The following TP63 variants were observed in gnomAD, a reference collection of about 807,000 sequenced individuals.
TP63 encodes tumor protein p63.
In TP63, 17 loss-of-function variants were observed where a neutral mutation model predicts 82.8. That is an observed-to-expected ratio of 0.21 (90% CI 0.14 to 0.31). The LOEUF (loss-of-function observed/expected upper bound fraction) is 0.31. Ranked by LOEUF, TP63 falls within the 10% of genes least tolerant of loss-of-function variation. The probability of loss-of-function intolerance (pLI) is 1.00; values close to 1 mark genes in which losing one functional copy is unlikely to be tolerated. For missense variants in TP63, 648 were observed against 895.3 expected, an observed-to-expected ratio of 0.72 and a Z score of 3.52; for synonymous variants, 330 against 321.7, an observed-to-expected ratio of 1.03 and a Z score of -0.28.
chr3:189,685,646 G>A (rs1296812877), intron 1 of TP63, among the ~76,000 whole-genome samples: 1 of 152,190 alleles, frequency 6.6e-6, no homozygotes, highest in Non-Finnish European at 1.5e-5. Flanking sequence ...TGGAAGAAAG[G>A]AGGAAGAATA....
At chr3:189,852,108 A>C (rs1316473945) in intron 4 of TP63, among the ~76,000 whole-genome samples, 3 of 152,214 alleles carry the variant, frequency 2.0e-5, no homozygotes, top group Admixed American at 2.0e-4. Flanking sequence ...GGGAATAAAA[A>C]GAGGAGGCAG....
chr3:189,709,925 T>C (rs372068231), intron 1 of TP63, among the ~76,000 whole-genome samples: 2 of 152,192 alleles, frequency 1.3e-5, no homozygotes, highest in East Asian at 3.9e-4. Flanking sequence ...TTATACTTTT[T>C]AGGAATATTT....
intron 11 of TP63, among the ~76,000 whole-genome samples, chr3:189,888,009 A>G (rs895709874): frequency 2.0e-5 from 3 of 151,984 alleles, no homozygotes; most frequent in Admixed American, 6.5e-5. Context: ...GGCGTGCACC[A>G]CCACGCCCGG....
intron 1 of TP63, among the ~76,000 whole-genome samples, chr3:189,729,436 GAA>G (rs1363842083): frequency 6.6e-6 from 1 of 152,132 alleles, no homozygotes; most frequent in African/African-American, 2.4e-5. Context: ...AGTCAGGAGA[GAA>G]AAGATTTCTG....
intron 1 of TP63, among the ~76,000 whole-genome samples, chr3:189,680,683 C>A (rs6801312): frequency 0.31 from 47,798 of 152,066 alleles, 7,938 homozygotes; most frequent in African/African-American, 0.41. Context: ...CAAGGACAGG[C>A]CTGTATCTTG....
chr3:189,820,534 C>T (rs1279562661), intron 4 of TP63, among the ~76,000 whole-genome samples: 1 of 152,004 alleles, frequency 6.6e-6, no homozygotes, highest in African/African-American at 2.4e-5. Context: ...ATCTTAGACA[C>T]TTTGAGTTTA....
chr3:189,815,185 A>C (rs889255859), intron 4 of TP63, among the ~76,000 whole-genome samples: 12 of 149,396 alleles, frequency 8.0e-5, no homozygotes, highest in Non-Finnish European at 1.2e-4. Context: ...ATCTTTCTTT[A>C]TTTTTTTTTA....
chr3:189,753,573 A>G (rs1721979341), intron 3 of TP63, among the ~76,000 whole-genome samples: 1 of 151,890 alleles, frequency 6.6e-6, no homozygotes. Flanking sequence ...ATTTGAAATG[A>G]GTTTCTTCTA....
intron 4 of TP63, chr3:189,829,988 T>A (rs746272741): frequency 1.4e-5 from 4 of 294,570 alleles, no homozygotes; most frequent in Non-Finnish European, 2.9e-5. Flanking sequence ...TTATTGTACA[T>A]CGGATGAGCT....
chr3:189,613,168 C>T, the TP63 span, among the ~76,000 whole-genome samples: 6 of 152,134 alleles, frequency 3.9e-5, no homozygotes, highest in Admixed American at 6.5e-5. Flanking sequence ...GCCTTTATGG[C>T]AGCTCCCCCA....
intron 3 of TP63, among the ~76,000 whole-genome samples, chr3:189,745,160 T>C (rs1721271650): frequency 1.3e-5 from 2 of 152,098 alleles, no homozygotes; most frequent in Admixed American, 6.5e-5. Flanking sequence ...TTGTAAGAAA[T>C]GACTATTCTA....
intron 1 of TP63, among the ~76,000 whole-genome samples, chr3:189,656,603 T>C (rs1281476599): frequency 1.3e-5 from 2 of 152,032 alleles, no homozygotes; most frequent in Non-Finnish European, 2.9e-5. Context: ...AGCTCAAATA[T>C]AAGTTGTCTG....
At chr3:189,671,788 A>G (rs1714912675) in intron 1 of TP63, among the ~76,000 whole-genome samples, 1 of 152,158 alleles carries the variant, frequency 6.6e-6, no homozygotes, top group East Asian at 1.9e-4. Context: ...TAAGTCAGAG[A>G]CAGAAAGACA....
chr3:189,803,910 G>A (rs1726587785), intron 3 of TP63, among the ~76,000 whole-genome samples: 2 of 152,088 alleles, frequency 1.3e-5, no homozygotes, highest in African/African-American at 4.8e-5. Flanking sequence ...TTTCAGACAT[G>A]CTGAGATAGA....
In TP63 at chr3:189,717,045, G is replaced by A. The variant is rs527973081; in HGVS notation, c.63-20695G>A. Among the ~76,000 whole-genome samples the A allele has an allele frequency of 3.3e-5, 5 of 152,190 alleles. No individual in the cohort carries two copies. In the East Asian group the frequency reaches 9.7e-4, roughly 29 times the overall value. On this transcript the variant is annotated intron_variant, in intron 1 of 13. Transcript: ENST00000264731. ...ACTCCCAACCTCAGGTGATCTGCCC[G>A]CCTTGGGCTCCCAAAGTGCTGGGAT...
At chr3:189,890,480 C>A (rs1233659816) in intron 12 of TP63, among the ~76,000 whole-genome samples, 3 of 152,170 alleles carry the variant, frequency 2.0e-5, no homozygotes. Flanking sequence ...CACTGGACTT[C>A]CCTTTCACCC....
chr3:189,679,825 A>G (rs1715755726), intron 1 of TP63, among the ~76,000 whole-genome samples: 1 of 152,156 alleles, frequency 6.6e-6, no homozygotes, highest in Admixed American at 6.6e-5. Context: ...TCCAGTTTTA[A>G]TTCTTGACGT....
At chr3:189,674,574 T>C (rs1715218807) in intron 1 of TP63, among the ~76,000 whole-genome samples, 1 of 152,134 alleles carries the variant, frequency 6.6e-6, no homozygotes, top group African/African-American at 2.4e-5. Context: ...AATTTTCCCT[T>C]AGCCAGACAG....
intron 1 of TP63, among the ~76,000 whole-genome samples, chr3:189,663,323 T>C (rs1167482145): frequency 6.6e-6 from 1 of 152,056 alleles, no homozygotes; most frequent in African/African-American, 2.4e-5. Flanking sequence ...TTAAGTTCTT[T>C]TTCATCAATG....
Sources: gnomAD v4.1 joint callset for allele counts (sites outside exome capture counted in the v4.1 genomes callset) on GRCh38, gnomAD v4.1.1 for gene constraint, MANE v1.5 for transcripts, NCBI Gene and HGNC (gene_info 2026-07-23, HGNC 2026-07-21) for gene names.